The following ESR1 variants were observed in gnomAD, a reference collection of about 807,000 sequenced individuals.
ESR1 encodes estrogen receptor.
In ESR1, 12 loss-of-function variants were observed where a neutral mutation model predicts 52.7. The ratio of observed to expected loss-of-function variants is 0.23; its 90% CI spans 0.15 to 0.37. The LOEUF is 0.37. Among genes scored for constraint, ESR1 ranks in the 10% least tolerant of loss-of-function variants. The probability of loss-of-function intolerance (pLI) is 1.00; values close to 1 mark genes in which losing one functional copy is unlikely to be tolerated. For missense variants in ESR1, 584 were observed against 779.7 expected, an observed-to-expected ratio of 0.75 and a Z score of 2.99; for synonymous variants, 305 against 316.8, an observed-to-expected ratio of 0.96 and a Z score of 0.39.
intron 2 of ESR1, among the ~76,000 whole-genome samples, chr6:151,798,743 G>T (rs986243246): frequency 6.6e-6 from 1 of 152,138 alleles, no homozygotes; most frequent in African/African-American, 2.4e-5. Context: ...TGCTGTTATT[G>T]TTGAAGGTAT....
At chr6:152,075,006 T>A (rs9478278) in intron 6 of ESR1, among the ~76,000 whole-genome samples, 31,215 of 152,158 alleles carry the variant, frequency 0.21, 4,419 homozygotes, top group African/African-American at 0.39. Flanking sequence ...AGCAGGTATG[T>A]CTTTTGCAAA....
At chr6:151,666,200 T>TA (rs1777816339) in intron 1 of ESR1, among the ~76,000 whole-genome samples, 1 of 152,194 alleles carries the variant, frequency 6.6e-6, no homozygotes, top group Non-Finnish European at 1.5e-5. Context: ...GGAGATATTT[T>TA]AAAAAACTCA....
At chr6:151,723,240 G>T (rs1025283417) in intron 2 of ESR1, among the ~76,000 whole-genome samples, 1 of 152,114 alleles carries the variant, frequency 6.6e-6, no homozygotes, top group Non-Finnish European at 1.5e-5. Context: ...GAGGGGAAGA[G>T]GGAGGTGAGG....
At chr6:151,966,889 C>A (rs2038330772) in intron 4 of ESR1, among the ~76,000 whole-genome samples, 1 of 152,190 alleles carries the variant, frequency 6.6e-6, no homozygotes, top group Admixed American at 6.6e-5. Flanking sequence ...AGAAACCCTT[C>A]TTTTGTTCTA....
chr6:152,031,308 T>C (rs1182125383), intron 5 of ESR1, among the ~76,000 whole-genome samples: 1 of 151,282 alleles, frequency 6.6e-6, no homozygotes, highest in African/African-American at 2.4e-5. Flanking sequence ...CTGAAGGAGA[T>C]AGAGACACAA....
In ESR1 at chr6:152,099,713, G is replaced by T. The variant is rs3020385; in HGVS notation, c.*747G>T. On this transcript the variant is annotated 3_prime_UTR_variant, in exon 8 of 8. Coordinates refer to ENST00000206249, the MANE Select transcript of ESR1 (RefSeq NM_000125.4). ...GCCTCCCATGGACCTATGGAGAGCA[G>T]CAAGTTGATCTTAGTTAAGTCTCCC... 4.6e-4 allele frequency: 134 copies of T among 291,288 alleles called. No individual in the cohort carries two copies. Among genetic ancestry groups the T allele is most frequent in the African/African-American group, 2.4e-3 (115 of 47,100 alleles). 18.0% of individuals were successfully genotyped at this position (291,288 alleles called of 1,614,324 possible).
intron 1 of ESR1, among the ~76,000 whole-genome samples, chr6:151,683,127 G>A (rs1380984688): frequency 1.3e-5 from 2 of 152,068 alleles, no homozygotes; most frequent in South Asian, 2.1e-4. Flanking sequence ...TACTGTCTCC[G>A]ATGTCATTAT....
intron 2 of ESR1, among the ~76,000 whole-genome samples, chr6:151,734,989 C>T (rs536644698): frequency 9.2e-5 from 14 of 152,224 alleles, no homozygotes; most frequent in Admixed American, 6.5e-4. Context: ...AAACATTGGA[C>T]TCATTATGAC....
intron 3 of ESR1, among the ~76,000 whole-genome samples, chr6:151,892,027 T>G (rs1244599920): frequency 6.6e-6 from 1 of 152,222 alleles, no homozygotes; most frequent in Non-Finnish European, 1.5e-5. Context: ...GAAAGTCTGA[T>G]TTTGTTTTAA....
At chr6:151,928,529 C>CA (rs1463547862) in intron 3 of ESR1, among the ~76,000 whole-genome samples, 2 of 151,322 alleles carry the variant, frequency 1.3e-5, no homozygotes, top group East Asian at 1.9e-4. Flanking sequence ...ATTGTGAAGT[C>CA]AAAAAAAATA....
chr6:151,852,225 C>T (rs1786892129), intron 2 of ESR1, among the ~76,000 whole-genome samples: 3 of 152,088 alleles, frequency 2.0e-5, no homozygotes, highest in Admixed American at 2.0e-4. Context: ...CCAGCAGCCA[C>T]AGAAACAGAA....
rs1778150943 is a variant in ESR1, at chr6:151,807,985, C to T, written c.73C>T (p.Pro25Ser). 1.2e-6 allele frequency: 2 copies of T among 1,613,882 alleles called. No homozygotes were observed. The highest frequency in any genetic ancestry group is 1.7e-5 in the Admixed American group (1 of 60,016). ...TCAGATCCAAGGGAACGAGCTGGAG[C>T]CCCTGAACCGTCCGCAGCTCAAGAT... ...LHQIQGNELEPLNRPQLKIPL... is the reference protein window; with the variant it reads ...LHQIQGNELESLNRPQLKIPL... The change falls in exon 1 of 8, where the codon CCC becomes TCC. Residue 25 changes from proline (P) to serine (S), a missense_variant. By Grantham distance (74) the Pro-to-Ser change is moderately conservative. This residue lies in a region of ESR1 where 251 missense variants were observed against 246.1 expected (regional missense o/e 1.02). Transcript: ENST00000206249.
Position 151,880,881 on chromosome 6 carries a change from TG to T in ESR1, c.760+111del, listed in dbSNP as rs1295965840. The T allele has an allele frequency of 7.3e-6, 5 of 680,338 alleles. No individual in the cohort carries two copies. In the Admixed American group the frequency reaches 7.6e-5, roughly 10 times the overall value. 42.1% of individuals were successfully genotyped at this position (680,338 alleles called of 1,614,324 possible). On this transcript the variant is annotated intron_variant, in intron 3 of 7. Coordinates refer to ENST00000206249, the MANE Select transcript of ESR1 (RefSeq NM_000125.4). ...GAATTTTGTGTTTTTTTCTTTTAAT[TG>T]TTTTTTTTCTATTCTTATTTTTCTT...
chr6:151,922,655 C>T (rs2031933531), intron 3 of ESR1, among the ~76,000 whole-genome samples: 1 of 151,970 alleles, frequency 6.6e-6, no homozygotes, highest in Non-Finnish European at 1.5e-5. Flanking sequence ...TCAGACTTAT[C>T]TTCTGTATTT....
intron 2 of ESR1, among the ~76,000 whole-genome samples, chr6:151,850,048 ATATATATATAATTT>A (rs1184417972): frequency 3.9e-5 from 5 of 128,444 alleles, no homozygotes; most frequent in African/African-American, 1.5e-4. Context: ...ATATAATTTT[ATATATATATAATTT>A]TATATATATA....
At chr6:151,851,739 G>A (rs1786770637) in intron 2 of ESR1, among the ~76,000 whole-genome samples, 1 of 152,156 alleles carries the variant, frequency 6.6e-6, no homozygotes, top group Non-Finnish European at 1.5e-5. Context: ...TGTTGGCCAG[G>A]CTGGTCTTGA....
chr6:152,080,532 C>A (rs1238793532), intron 6 of ESR1, among the ~76,000 whole-genome samples: 5 of 152,132 alleles, frequency 3.3e-5, no homozygotes, highest in Non-Finnish European at 7.4e-5. Flanking sequence ...ACAAACAGTA[C>A]CAGCCACTGC....
At chr6:152,005,653 C>T (rs1391873782) in intron 4 of ESR1, among the ~76,000 whole-genome samples, 1 of 152,016 alleles carries the variant, frequency 6.6e-6, no homozygotes, top group Non-Finnish European at 1.5e-5. Context: ...TTAATTTTTA[C>T]AGTAACCCTA....
chr6:152,068,716 G>A (rs1383092902), intron 6 of ESR1, among the ~76,000 whole-genome samples: 12 of 152,228 alleles, frequency 7.9e-5, no homozygotes, highest in South Asian at 4.2e-4. Context: ...TCTCAGGAGC[G>A]TGTGGAACCT....
Sources: allele counts gnomAD v4.1 joint callset (sites outside exome capture counted in the v4.1 genomes callset), GRCh38; gene constraint gnomAD v4.1.1; regional missense constraint gnomAD v4.1.1; transcripts MANE v1.5; gene names NCBI Gene and HGNC (gene_info 2026-07-23, HGNC 2026-07-21).